The following WWOX variants were observed in gnomAD, a reference collection of about 807,000 sequenced individuals.
WWOX encodes WW domain-containing oxidoreductase.
WWOX carries 69 observed loss-of-function variants against 46.2 expected under a neutral mutation model. The ratio of observed to expected loss-of-function variants is 1.49; its 90% confidence interval spans 1.23 to 1.82. WWOX has a LOEUF of 1.82. Among genes scored for constraint, WWOX ranks in the 40% most tolerant of loss-of-function variants. The pLI is 0.00. For synonymous variants in WWOX, 359 were observed against 202.6 expected (o/e 1.77, Z -6.56); for missense variants, 919 against 542.6 (o/e 1.69, Z -6.89).
At chr16:78,550,307 T>G (rs1196769639) in intron 8 of WWOX, among the ~76,000 whole-genome samples, 2 of 152,196 alleles carry the variant, frequency 1.3e-5, no homozygotes, top group Non-Finnish European at 2.9e-5. Flanking sequence ...GTTCACATGA[T>G]AAATATTTTC....
chr16:78,735,222 G>A (rs759375360), intron 8 of WWOX, among the ~76,000 whole-genome samples: 2 of 151,992 alleles, frequency 1.3e-5, no homozygotes, highest in Non-Finnish European at 2.9e-5. Flanking sequence ...CATTTCTTGT[G>A]TTTTGATCTT....
At chr16:78,761,467 A>G (rs1319729064) in intron 8 of WWOX, among the ~76,000 whole-genome samples, 27 of 151,830 alleles carry the variant, frequency 1.8e-4, no homozygotes. Context: ...CACCGGGGAG[A>G]AATTTGTGTT....
chr16:78,600,040 A>C (rs2045584119), intron 8 of WWOX, among the ~76,000 whole-genome samples: 1 of 152,170 alleles, frequency 6.6e-6, no homozygotes, highest in Non-Finnish European at 1.5e-5. Context: ...CCATGGTGGA[A>C]GGCAAGGAGG....
At chr16:79,088,622 A>G (rs1180574232) in intron 8 of WWOX, among the ~76,000 whole-genome samples, 1 of 152,142 alleles carries the variant, frequency 6.6e-6, no homozygotes, top group Non-Finnish European at 1.5e-5. Flanking sequence ...CATGGAGACC[A>G]CTTTACTTTC....
intron 6 of WWOX, among the ~76,000 whole-genome samples, chr16:78,400,842 T>G (rs1020870910): frequency 1.3e-5 from 2 of 152,208 alleles, no homozygotes; most frequent in African/African-American, 4.8e-5. Context: ...TACTTGTTTC[T>G]GAGATAGGGC....
chr16:79,208,098 A>G (rs183909316), intron 8 of WWOX, among the ~76,000 whole-genome samples: 18 of 152,324 alleles, frequency 1.2e-4, no homozygotes, highest in Admixed American at 9.2e-4. Flanking sequence ...ATGAATCCTT[A>G]TTACCAAGAT....
intron 8 of WWOX, among the ~76,000 whole-genome samples, chr16:78,690,499 C>T (rs2047960225): frequency 6.6e-6 from 1 of 152,084 alleles, no homozygotes; most frequent in African/African-American, 2.4e-5. Context: ...CTGCAGTGGG[C>T]CATGATCGTG....
At chr16:78,961,131 A>C (rs117489316) in intron 8 of WWOX, among the ~76,000 whole-genome samples, 22 of 152,314 alleles carry the variant, frequency 1.4e-4, no homozygotes, top group Non-Finnish European at 2.8e-4. Context: ...CAAGCCAAGC[A>C]TTCAATGGTT....
chr16:78,141,156 A>G (rs1246714551), intron 4 of WWOX, among the ~76,000 whole-genome samples: 1 of 152,238 alleles, frequency 6.6e-6, no homozygotes, highest in Non-Finnish European at 1.5e-5. Flanking sequence ...TTCGAATTGC[A>G]AAGGTGTTTA....
At chr16:79,024,127 A>T (rs1264432421) in intron 8 of WWOX, among the ~76,000 whole-genome samples, 1 of 152,218 alleles carries the variant, frequency 6.6e-6, no homozygotes, top group Non-Finnish European at 1.5e-5. Flanking sequence ...TGACTGCTAA[A>T]GCATTCAAGG....
chr16:78,880,900 G>C (rs1025250251), intron 8 of WWOX, among the ~76,000 whole-genome samples: 1 of 151,704 alleles, frequency 6.6e-6, no homozygotes, highest in Non-Finnish European at 1.5e-5. Flanking sequence ...GTCAGACGTA[G>C]GTATAAGACC....
At chr16:78,951,833 G>C (rs748434489) in intron 8 of WWOX, among the ~76,000 whole-genome samples, 8 of 152,162 alleles carry the variant, frequency 5.3e-5, no homozygotes, top group Non-Finnish European at 8.8e-5. Flanking sequence ...GTAAGAGGCA[G>C]TTCCTGGCAC....
intron 8 of WWOX, among the ~76,000 whole-genome samples, chr16:78,575,049 ATATATATATATATATAT>A (rs2044834238): frequency 9.0e-5 from 1 of 11,086 alleles, no homozygotes; most frequent in Non-Finnish European, 1.8e-4. Flanking sequence ...ATATATATAT[ATATATATATATATATAT>A]ATATATATAT....
At chr16:78,769,334 C>T (rs1483736762) in intron 8 of WWOX, among the ~76,000 whole-genome samples, 1 of 152,152 alleles carries the variant, frequency 6.6e-6, no homozygotes, top group Non-Finnish European at 1.5e-5. Context: ...CATCCTTTCT[C>T]TTTTTCACAA....
intron 8 of WWOX, among the ~76,000 whole-genome samples, chr16:78,987,429 C>T (rs556896098): frequency 4.6e-5 from 7 of 152,254 alleles, no homozygotes; most frequent in African/African-American, 9.6e-5. Flanking sequence ...GCTCCTGCCA[C>T]GTATTTTGTC....
At chr16:78,424,348 G>T (rs1211782124) in intron 6 of WWOX, among the ~76,000 whole-genome samples, 1 of 152,030 alleles carries the variant, frequency 6.6e-6, no homozygotes, top group Admixed American at 6.6e-5. Flanking sequence ...TCAAACTCCT[G>T]ACCTAAAATG....
chr16:78,458,639 T>C (rs1360304961), intron 8 of WWOX, among the ~76,000 whole-genome samples: 2 of 151,846 alleles, frequency 1.3e-5, no homozygotes, highest in Non-Finnish European at 2.9e-5. Context: ...AAAATTATTT[T>C]ATAGCATATA....
chr16:78,855,745 A>C lies in WWOX; in HGVS notation c.1057-355863A>C, dbSNP rs554580044. ...GGAGAGAGACGCACCACCTCTCCTAACTTCTGTGTTTGCTTCCCTCATGCT... is the reference window on the plus strand; with the variant it reads ...GGAGAGAGACGCACCACCTCTCCTACCTTCTGTGTTTGCTTCCCTCATGCT... On this transcript the variant is annotated intron_variant, in intron 8 of 8. Transcript: ENST00000566780. 8.2e-4 allele frequency among the ~76,000 whole-genome samples: 125 copies of C among 152,220 alleles called. 1 individual carries two copies. Among genetic ancestry groups the C allele is most frequent in the African/African-American group, 2.9e-3 (121 of 41,530 alleles).
rs1343171183 is a variant in WWOX at position 78,604,198 on chromosome 16, A to C, written c.1056+171446A>C. ...ATTTTGAAGACACAAATTCAGATGC[A>C]TGTGGATGGGCCCAAAATACTTTGT... On this transcript the variant is annotated intron_variant, in intron 8 of 8. Transcript: ENST00000566780. Among the ~76,000 whole-genome samples, 4 of 152,148 alleles carry C rather than the reference A, an allele frequency of 2.6e-5. No homozygotes were observed. In the East Asian group the frequency reaches 5.8e-4, roughly 22 times the overall value.
Sources: allele counts gnomAD v4.1 joint callset (sites outside exome capture counted in the v4.1 genomes callset), GRCh38; gene constraint gnomAD v4.1.1; transcripts MANE v1.5; gene names NCBI Gene and HGNC (gene_info 2026-07-23, HGNC 2026-07-21).